Variants in EXOC7 observed in about 807,000 individuals in gnomAD.
EXOC7 encodes exocyst complex component 7.
A neutral mutation model predicts 87.6 loss-of-function variants in EXOC7; 51 were observed. That is an observed-to-expected ratio of 0.58 (90% CI 0.46 to 0.73). EXOC7 has a LOEUF of 0.73. Among genes scored for constraint, EXOC7 ranks in the 30% least tolerant of loss-of-function variants. The pLI is 0.00. For synonymous variants in EXOC7, 327 were observed against 357.1 expected (o/e 0.92, Z 0.95); for missense variants, 744 against 888.4 (o/e 0.84, Z 2.07).
chr17:76,103,318 G>A (rs2144720200), intron 2 of EXOC7, 43 bp downstream of exon 2: 1 of 1,544,146 alleles, frequency 6.5e-7, no homozygotes, highest in East Asian at 2.4e-5. Context: ...TCTCCCCCAG[G>A]GTCCGGAGGC....
intron 5 of EXOC7, among the ~76,000 whole-genome samples, 167 bp from the exon 6 acceptor site, chr17:76,094,748 CTTTT>C (rs35625794): frequency 7.0e-6 from 1 of 143,834 alleles, no homozygotes; most frequent in Non-Finnish European, 1.5e-5. Flanking sequence ...CTTTCAAAGT[CTTTT>C]TTTTTTTTTT....
At chr17:76,092,406 TGCCTCA>T (rs1359554324) in intron 6 of EXOC7, 1 of 149,650 alleles carries the variant, frequency 6.7e-6, no homozygotes, top group East Asian at 2.1e-4. Flanking sequence ...GTGATTCTCC[TGCCTCA>T]GCCTCCCAGG....
intron 6 of EXOC7, 154 bp downstream of exon 6, chr17:76,094,260 G>A: frequency 4.0e-6 from 3 of 743,794 alleles, no homozygotes; most frequent in South Asian, 2.2e-5. Flanking sequence ...TGGGTGGGTA[G>A]ACACTTGCTT....
intron 7 of EXOC7, chr17:76,090,704 G>A: frequency 1.7e-6 from 1 of 576,774 alleles, no homozygotes; most frequent in East Asian, 2.9e-5. Context: ...CTTGGCCCCA[G>A]GGGGGTTCCC....
chr17:76,082,614 T>G lies in EXOC7; in HGVS notation c.*1034A>C. 1.2e-6 allele frequency: 2 copies of G among 1,613,096 alleles called. No individual in the cohort carries two copies. Among genetic ancestry groups the G allele is most frequent in the Non-Finnish European group, 1.7e-6 (2 of 1,179,770 alleles). ...CAGCGTGCAAGTCTGACGCAGCCCC[T>G]GGAGAGGCTGCACCCCATGGCAGGC... On this transcript the variant is annotated 3_prime_UTR_variant, in exon 19 of 19. Transcript: ENST00000589210.
intron 14 of EXOC7, 58 bp downstream of exon 14, chr17:76,085,619 C>G: frequency 1.2e-6 from 2 of 1,612,626 alleles, no homozygotes; most frequent in Non-Finnish European, 1.7e-6. Flanking sequence ...GGGGCTGGCA[C>G]AGCTGCACAG....
intron 12 of EXOC7, chr17:76,087,362 G>T: frequency 2.1e-6 from 1 of 487,512 alleles, no homozygotes; most frequent in Non-Finnish European, 3.7e-6. Flanking sequence ...GGGGGGCAGG[G>T]GCAGAAAGGA....
chr17:76,091,323 G>T, intron 6 of EXOC7, 88 bp from the exon 7 acceptor site: 1 of 1,080,176 alleles, frequency 9.3e-7, no homozygotes, highest in African/African-American at 1.6e-5. Flanking sequence ...TGCCCCCCAG[G>T]CCCCGCACCC....
At chr17:76,088,640 G>A in intron 9 of EXOC7, 78 bp from the exon 10 acceptor site, 6 of 1,596,104 alleles carry the variant, frequency 3.8e-6, no homozygotes, top group Non-Finnish European at 5.1e-6. Context: ...CCCTTCCTAA[G>A]CTGCTTCCAT....
intron 8 of EXOC7, 24 bp downstream of exon 8, chr17:76,089,151 A>G: frequency 6.2e-7 from 1 of 1,611,312 alleles, no homozygotes. Flanking sequence ...GGCTGGCTGC[A>G]GAGCCCCCGG....
rs762733289 is a variant in EXOC7 at position 76,089,214 on chromosome 17, G to A, written c.1008C>T (p.Pro336=). The A allele has an allele frequency of 1.1e-5, 18 of 1,613,850 alleles. No individual in the cohort carries two copies. The highest frequency in any genetic ancestry group is 3.3e-5 in the South Asian group (3 of 91,074). ...SEYQLLADII[P]EHHQKKTFDS... is the part of the protein sequence containing the mutation. ...CGAAGGTCTTCTTCTGGTGGTGCTCGGGGATGATGTCGGCCAGCAGCTGGT... is the reference window on the plus strand; with the variant it reads ...CGAAGGTCTTCTTCTGGTGGTGCTCAGGGATGATGTCGGCCAGCAGCTGGT... Residue 336 remains proline (P), a synonymous_variant, in exon 8 of 19, where the codon CCC becomes CCT. Transcript: ENST00000589210.
At position 76,088,880 on chromosome 17, in the gene EXOC7, G is replaced by A; in HGVS notation, c.1091C>T (p.Ser364Phe). Residue 364 changes from serine to phenylalanine, a missense_variant, in exon 9 of 19, where the codon TCT (serine) becomes TTT (phenylalanine). By Grantham distance (155) the Ser-to-Phe change is radical. This residue lies in a region of EXOC7 where 512 missense variants were observed against 573.0 expected (regional missense o/e 0.89). Coordinates refer to ENST00000589210, the MANE Select transcript of EXOC7 (RefSeq NM_001013839.4). ...GLMLEGENIVSAARKAIVRHD... is the reference protein window; with the variant it reads ...GLMLEGENIVFAARKAIVRHD... ...TCGCACAATGGCCTTCCGGGCAGCA[G>A]ACACGATGTTCTCCCCTTCAAGCAT... 1 of 1,613,776 alleles carries A rather than the reference G, an allele frequency of 6.2e-7. No homozygotes were observed. The highest frequency in any genetic ancestry group is 8.5e-7 in the Non-Finnish European group (1 of 1,180,026).
At chr17:76,091,460 G>C in intron 6 of EXOC7, 1 of 544,940 alleles carries the variant, frequency 1.8e-6, no homozygotes, top group South Asian at 2.2e-5. Flanking sequence ...CCTTGTTCTG[G>C]ATTTCAGCTC....
chr17:76,094,711 C>A, intron 5 of EXOC7, 130 bp from the exon 6 acceptor site: 1 of 877,946 alleles, frequency 1.1e-6, no homozygotes. Context: ...ACAAGCCACC[C>A]ATATCTTGTC....
At chr17:76,103,534 C>T in intron 1 of EXOC7, 99 bp downstream of exon 1, 1 of 1,567,578 alleles carries the variant, frequency 6.4e-7, no homozygotes, top group East Asian at 2.3e-5. Flanking sequence ...GCTGGGTGCG[C>T]TCCCTCCCAC....
Position 76,096,340 on chromosome 17 carries a change from C to A in EXOC7, c.640+1456G>T, listed in dbSNP as rs1286746795. On this transcript the variant is annotated intron_variant, in intron 5 of 18. Transcript: ENST00000589210. ...ACCAGCCTGGGCAACATGGTGAAACCCTGTCCCTACCAAAAAATACAAAAA... is the reference window on the plus strand; with the variant it reads ...ACCAGCCTGGGCAACATGGTGAAACACTGTCCCTACCAAAAAATACAAAAA... Among the ~76,000 whole-genome samples, 6 of 151,306 alleles carry A rather than the reference C, an allele frequency of 4.0e-5. No individual in the cohort carries two copies. The East Asian group carries it at 1.2e-3, about 29-fold the overall frequency.
chr17:76,091,021 C>T (rs999595526), intron 7 of EXOC7, 122 bp downstream of exon 7: 20 of 820,744 alleles, frequency 2.4e-5, no homozygotes, highest in Admixed American at 4.0e-5. Flanking sequence ...GGGGACCTGC[C>T]GTTCCCACCC....
intron 7 of EXOC7, chr17:76,090,400 G>A (rs574513422): frequency 2.3e-5 from 35 of 1,551,614 alleles, no homozygotes; most frequent in Non-Finnish European, 3.0e-5. Context: ...CTCGTGACCT[G>A]GCGAGATGTC....
At chr17:76,091,314 GC>G in intron 6 of EXOC7, 79 bp from the exon 7 acceptor site, 5 of 1,166,968 alleles carry the variant, frequency 4.3e-6, no homozygotes, top group Non-Finnish European at 3.8e-6. Flanking sequence ...CCCTCCACCT[GC>G]CCCCCAGGCC....
Sources: gnomAD v4.1 joint callset for allele counts (sites outside exome capture counted in the v4.1 genomes callset) on GRCh38, gnomAD v4.1.1 for gene constraint, gnomAD v4.1.1 regional missense constraint, MANE v1.5 for transcripts, NCBI Gene and HGNC (gene_info 2026-07-23, HGNC 2026-07-21) for gene names.